The following IQCM variants were observed in gnomAD, a reference collection of about 807,000 sequenced individuals.
IQCM encodes the protein IQ domain-containing protein M.
A neutral mutation model predicts 57.6 loss-of-function variants in IQCM; 45 were observed. The ratio of observed to expected loss-of-function variants is 0.78; its 90% CI spans 0.62 to 1.00. The LOEUF is 1.00. Among genes scored for constraint, IQCM ranks in the 50% least tolerant of loss-of-function variants. IQCM has a pLI of 0.00. For synonymous variants in IQCM, 148 were observed against 158.9 expected, an observed-to-expected ratio of 0.93 and a Z score of 0.51; for missense variants, 468 against 511.6, an observed-to-expected ratio of 0.91 and a Z score of 0.82.
At chr4:149,460,378 G>T (rs1302501034) in intron 12 of IQCM, among the ~76,000 whole-genome samples, 1 of 152,070 alleles carries the variant, frequency 6.6e-6, no homozygotes. Flanking sequence ...TTCTTACTCT[G>T]TTGATAGTGT....
intron 7 of IQCM, among the ~76,000 whole-genome samples, chr4:149,627,332 A>G (rs890552788): frequency 2.0e-5 from 3 of 152,176 alleles, no homozygotes; most frequent in Admixed American, 6.5e-5. Context: ...ATCATCAACT[A>G]TAGAACTAGA....
chr4:149,643,750 G>A (rs1307224580), intron 7 of IQCM, among the ~76,000 whole-genome samples: 3 of 152,146 alleles, frequency 2.0e-5, no homozygotes, highest in Non-Finnish European at 4.4e-5. Context: ...TTAGGAGCTT[G>A]TAAAAAACAA....
At chr4:149,629,233 A>AT (rs1194717880) in intron 7 of IQCM, among the ~76,000 whole-genome samples, 1 of 151,910 alleles carries the variant, frequency 6.6e-6, no homozygotes, top group Non-Finnish European at 1.5e-5. Flanking sequence ...GAACTAAACC[A>AT]TTTTTTTCCC....
At chr4:149,449,182 C>T (rs1404261360) in intron 12 of IQCM, among the ~76,000 whole-genome samples, 20 of 138,348 alleles carry the variant, frequency 1.4e-4, no homozygotes, top group African/African-American at 5.3e-4. Context: ...CCCCCCAACC[C>T]GCCACCCCCC....
At chr4:149,652,701 G>A (rs986797642) in intron 7 of IQCM, among the ~76,000 whole-genome samples, 7 of 151,486 alleles carry the variant, frequency 4.6e-5, no homozygotes, top group Admixed American at 2.6e-4. Context: ...TGATAGATGT[G>A]AACAACATGA....
At chr4:149,649,452 G>A (rs1458409260) in intron 7 of IQCM, among the ~76,000 whole-genome samples, 3 of 151,966 alleles carry the variant, frequency 2.0e-5, no homozygotes, top group Admixed American at 2.0e-4. Flanking sequence ...TCCTATTCTG[G>A]ATATAGTTGG....
In IQCM at chr4:149,511,459, CA is replaced by C. The variant is rs774704552; in HGVS notation, c.1228+36995del. Reference sequence around the variant, plus strand: ...AGGAAAATCACTTGAACCCGGGAGGCAGAGGTTGCAGTGAGCTGAGATCACA... The same window carrying C: ...AGGAAAATCACTTGAACCCGGGAGGCGAGGTTGCAGTGAGCTGAGATCACA... On this transcript the variant is annotated intron_variant, in intron 12 of 13. Coordinates refer to ENST00000636793, the MANE Select transcript of IQCM (RefSeq NM_001363507.2). Among the ~76,000 whole-genome samples, 62 of 151,850 alleles carry C rather than the reference CA, an allele frequency of 4.1e-4. 1 individual carries two copies. The highest frequency in any genetic ancestry group is 1.4e-3 in the Admixed American group (22 of 15,230).
chr4:149,689,595 A>G (rs1345826629), intron 5 of IQCM, among the ~76,000 whole-genome samples: 3 of 152,120 alleles, frequency 2.0e-5, no homozygotes, highest in Non-Finnish European at 4.4e-5. Context: ...TAATTAACTA[A>G]AGAACTTTTG....
chr4:149,787,835 G>A (rs561825492), intron 2 of IQCM, among the ~76,000 whole-genome samples: 7 of 152,150 alleles, frequency 4.6e-5, no homozygotes, highest in African/African-American at 1.4e-4. Context: ...AGACAAATGG[G>A]ACTATATTAA....
At chr4:149,598,455 G>A (rs1336000130) in intron 8 of IQCM, among the ~76,000 whole-genome samples, 1 of 151,906 alleles carries the variant, frequency 6.6e-6, no homozygotes, top group Non-Finnish European at 1.5e-5. Flanking sequence ...AGCACAAGAG[G>A]ATACTTCAAA....
At chr4:149,605,243 T>C (rs1287643315) in intron 8 of IQCM, among the ~76,000 whole-genome samples, 1 of 152,130 alleles carries the variant, frequency 6.6e-6, no homozygotes, top group African/African-American at 2.4e-5. Context: ...CCTTTTATAA[T>C]AAAGGAAACT....
In IQCM at chr4:149,783,077, T is replaced by C. The variant is rs142324847; in HGVS notation, c.-49+32234A>G. On this transcript the variant is annotated intron_variant, in intron 2 of 13. Coordinates refer to ENST00000636793, the MANE Select transcript of IQCM (RefSeq NM_001363507.2). ...CTGATGGTTCTTAAATGTATATCTA[T>C]AGTACAGAACTCTCCCCTGTACTCC... 5.2e-3 allele frequency among the ~76,000 whole-genome samples: 789 copies of C among 152,326 alleles called. 3 individuals carry two copies. Among genetic ancestry groups the C allele is most frequent in the Non-Finnish European group, 8.2e-3 (555 of 68,032 alleles).
intron 12 of IQCM, among the ~76,000 whole-genome samples, chr4:149,513,291 C>T (rs1373853720): frequency 3.9e-5 from 6 of 152,068 alleles, no homozygotes; most frequent in Non-Finnish European, 7.4e-5. Flanking sequence ...GTGTACTCAT[C>T]CTATTTATAG....
intron 13 of IQCM, among the ~76,000 whole-genome samples, chr4:149,427,823 A>G (rs1734565730): frequency 6.6e-6 from 1 of 151,970 alleles, no homozygotes; most frequent in Admixed American, 6.6e-5. Context: ...TTTAGAGAAC[A>G]TGACATTGGA....
At chr4:149,462,610 T>A (rs1738424295) in intron 12 of IQCM, among the ~76,000 whole-genome samples, 1 of 152,198 alleles carries the variant, frequency 6.6e-6, no homozygotes, top group African/African-American at 2.4e-5. Context: ...TCCTGTCTTT[T>A]CCTATTTACC....
intron 7 of IQCM, among the ~76,000 whole-genome samples, chr4:149,650,232 C>T (rs1051901980): frequency 6.6e-6 from 1 of 151,836 alleles, no homozygotes; most frequent in Admixed American, 6.6e-5. Flanking sequence ...GACACAAAGA[C>T]ACACAGGAAG....
intron 10 of IQCM, among the ~76,000 whole-genome samples, chr4:149,559,749 C>A (rs1354538640): frequency 1.3e-5 from 2 of 152,294 alleles, no homozygotes; most frequent in East Asian, 3.9e-4. Context: ...AGTGTTAGCA[C>A]ACGTTATGTA....
rs184898086 is a variant in IQCM at position 149,412,384 on chromosome 4, C to T, written c.1390+21012G>A. Among the ~76,000 whole-genome samples the T allele has an allele frequency of 5.9e-5, 9 of 152,240 alleles. No homozygotes were observed. In the East Asian group the frequency reaches 1.2e-3, roughly 20 times the overall value. The stretch of plus-strand genomic sequence containing the variant: ...AACCAACTGTAGATTACCTAGACCC[C>T]TCCCAAAGGGTCCTAATTCTTATAT... On this transcript the variant is annotated intron_variant, in intron 13 of 13. Coordinates refer to ENST00000636793, the MANE Select transcript of IQCM (RefSeq NM_001363507.2).
At chr4:149,745,880 G>T (rs528992130) in intron 2 of IQCM, among the ~76,000 whole-genome samples, 1 of 152,184 alleles carries the variant, frequency 6.6e-6, no homozygotes, top group East Asian at 1.9e-4. Context: ...GCTGAGGTGG[G>T]AGGATCAGTT....
Sources: gnomAD v4.1 joint callset for allele counts (sites outside exome capture counted in the v4.1 genomes callset) on GRCh38, gnomAD v4.1.1 for gene constraint, MANE v1.5 for transcripts, NCBI Gene and HGNC (gene_info 2026-07-23, HGNC 2026-07-21) for gene names.